PRKCH: variants seen among roughly 807,000 people sequenced by gnomAD.
The protein encoded by PRKCH is protein kinase C eta type.
A neutral mutation model predicts 82.5 loss-of-function variants in PRKCH; 28 were observed. That is an observed-to-expected ratio of 0.34 (90% CI 0.25 to 0.47). PRKCH has a LOEUF of 0.47. PRKCH is among the 20% of genes least tolerant of loss of function. PRKCH has a pLI of 1.00. For synonymous variants in PRKCH, 322 were observed against 327.4 expected (o/e 0.98, Z 0.18); for missense variants, 705 against 881.8 (o/e 0.80, Z 2.54).
intron 1 of PRKCH, among the ~76,000 whole-genome samples, chr14:61,297,193 A>C (rs1016100244): frequency 6.6e-6 from 1 of 152,228 alleles, no homozygotes; most frequent in Non-Finnish European, 1.5e-5. Context: ...AACGTGCATT[A>C]GTTAATATTT....
chr14:61,523,912 G>A (rs1335069265), intron 10 of PRKCH, among the ~76,000 whole-genome samples: 10 of 152,232 alleles, frequency 6.6e-5, no homozygotes, highest in Non-Finnish European at 1.5e-4. Context: ...GAGGGAGGGA[G>A]TCGATGTAGC....
chr14:61,346,120 A>C (rs2045989109), intron 1 of PRKCH, among the ~76,000 whole-genome samples: 1 of 152,204 alleles, frequency 6.6e-6, no homozygotes, highest in Non-Finnish European at 1.5e-5. Flanking sequence ...TTGTGTGTGC[A>C]TCTGCAGCAG....
chr14:61,501,909 G>A (rs1886925937), intron 10 of PRKCH, among the ~76,000 whole-genome samples: 1 of 152,000 alleles, frequency 6.6e-6, no homozygotes, highest in Non-Finnish European at 1.5e-5. Context: ...GCATATGCAA[G>A]CTCTGCATTT....
At chr14:61,340,569 C>T (rs908552380) in intron 1 of PRKCH, among the ~76,000 whole-genome samples, 1 of 152,186 alleles carries the variant, frequency 6.6e-6, no homozygotes, top group Non-Finnish European at 1.5e-5. Flanking sequence ...TTAGGACAAA[C>T]CACTTTATAC....
chr14:61,476,888 C>T lies in PRKCH; in HGVS notation c.1279-8614C>T, dbSNP rs1484300365. Reference sequence around the variant, plus strand: ...TCAAAAAAAAAATGCAGCCATTAGACTCCTTCTCATTGTTTCTTCCTTGAA... The same window carrying T: ...TCAAAAAAAAAATGCAGCCATTAGATTCCTTCTCATTGTTTCTTCCTTGAA... On this transcript the variant is annotated intron_variant, in intron 9 of 13. Transcript: ENST00000332981. 3.3e-5 allele frequency among the ~76,000 whole-genome samples: 5 copies of T among 152,218 alleles called. No homozygotes were observed. The East Asian group carries it at 9.6e-4, about 29-fold the overall frequency.
chr14:61,196,353 T>C (rs1255442600), intron 1 of PRKCH, among the ~76,000 whole-genome samples: 2 of 152,200 alleles, frequency 1.3e-5, no homozygotes, highest in Non-Finnish European at 2.9e-5. Flanking sequence ...GGATTGATAA[T>C]GGCCCAGTTT....
chr14:61,309,334 GC>G (rs2045504872), intron 1 of PRKCH, among the ~76,000 whole-genome samples: 1 of 152,168 alleles, frequency 6.6e-6, no homozygotes, highest in African/African-American at 2.4e-5. Flanking sequence ...GCAGGGTTGA[GC>G]CCCCTGCATA....
chr14:61,188,423 TGGCTCCGGCTCC>T (rs1052709331), intron 1 of PRKCH, among the ~76,000 whole-genome samples: 1 of 151,490 alleles, frequency 6.6e-6, no homozygotes, highest in African/African-American at 2.4e-5. Flanking sequence ...GCTCCGGCTC[TGGCTCCGGCTCC>T]GGCTCCGGGT....
intron 1 of PRKCH, among the ~76,000 whole-genome samples, chr14:61,249,968 A>T (rs2044928044): frequency 6.6e-6 from 1 of 151,520 alleles, no homozygotes; most frequent in Non-Finnish European, 1.5e-5. Context: ...TCCACAAAAA[A>T]AATCTGCATG....
At chr14:61,274,652 T>C (rs76359336) in intron 1 of PRKCH, among the ~76,000 whole-genome samples, 7,337 of 152,234 alleles carry the variant, frequency 0.048, 242 homozygotes, top group Middle Eastern at 0.075. Flanking sequence ...TCAGGGCTCC[T>C]TGAGGGGATA....
At chr14:61,543,585 G>A (rs2043214981) in intron 12 of PRKCH, 1 of 152,166 alleles carries the variant, frequency 6.6e-6, no homozygotes, top group East Asian at 1.9e-4. Context: ...ATTTCATGAA[G>A]TCACATTATT....
intron 10 of PRKCH, among the ~76,000 whole-genome samples, chr14:61,514,314 TAAAAAAAAA>T (rs546556676): frequency 7.6e-6 from 1 of 132,132 alleles, no homozygotes; most frequent in South Asian, 2.5e-4. Context: ...TCTTCTCCTT[TAAAAAAAAA>T]AAAAAAAAAA....
intron 12 of PRKCH, among the ~76,000 whole-genome samples, chr14:61,539,781 A>G (rs1289492469): frequency 1.3e-5 from 2 of 152,252 alleles, no homozygotes; most frequent in African/African-American, 4.8e-5. Context: ...ATGGGCACAG[A>G]CTGTGGAGGC....
At chr14:61,545,411 C>T (rs2043242832) in intron 12 of PRKCH, 1 of 152,218 alleles carries the variant, frequency 6.6e-6, no homozygotes, top group Admixed American at 6.5e-5. Flanking sequence ...GATTCTTCCC[C>T]CTTCTCTTGA....
At chr14:61,374,459 G>T (rs926895430) in intron 1 of PRKCH, among the ~76,000 whole-genome samples, 1 of 152,074 alleles carries the variant, frequency 6.6e-6, no homozygotes, top group African/African-American at 2.4e-5. Flanking sequence ...CCTCATAGAG[G>T]TTCACCATGA....
chr14:61,255,264 T>A (rs1225486770), intron 1 of PRKCH, among the ~76,000 whole-genome samples: 1 of 152,200 alleles, frequency 6.6e-6, no homozygotes, highest in Non-Finnish European at 1.5e-5. Flanking sequence ...ACCAGGTTTG[T>A]GTTGTTATTT....
chr14:61,222,003 G>A (rs1383205274), intron 1 of PRKCH, among the ~76,000 whole-genome samples: 2 of 152,130 alleles, frequency 1.3e-5, no homozygotes, highest in Admixed American at 6.5e-5. Context: ...GGTCTGAGAT[G>A]GGGGGAAGTA....
intron 1 of PRKCH, among the ~76,000 whole-genome samples, chr14:61,231,184 C>T (rs1285428276): frequency 6.6e-6 from 1 of 152,174 alleles, no homozygotes; most frequent in Non-Finnish European, 1.5e-5. Flanking sequence ...CTTCTCTGTG[C>T]CTCATTTCTT....
intron 2 of PRKCH, among the ~76,000 whole-genome samples, chr14:61,423,563 T>A (rs1160195281): frequency 6.6e-6 from 1 of 152,108 alleles, no homozygotes; most frequent in Non-Finnish European, 1.5e-5. Flanking sequence ...TTTAGAAAAG[T>A]GAGAAGCCAT....
Sources: allele counts gnomAD v4.1 joint callset (sites outside exome capture counted in the v4.1 genomes callset), GRCh38; gene constraint gnomAD v4.1.1; transcripts MANE v1.5; gene names NCBI Gene and HGNC (gene_info 2026-07-23, HGNC 2026-07-21).